The following FLG variants were observed in gnomAD, a reference collection of about 807,000 sequenced individuals.
FLG encodes the protein filaggrin.
FLG carries 6 observed loss-of-function variants against 3.8 expected under a neutral mutation model. The ratio of observed to expected loss-of-function variants is 1.60; its 90% CI spans 0.87 to 3.15. The LOEUF is 3.15. FLG is among the 30% of genes most tolerant of loss of function. The pLI, the probability that FLG is intolerant of heterozygous loss-of-function variation, is 0.00. For synonymous variants in FLG, 2,551 were observed against 1,931.6 expected (o/e 1.32, Z -8.41); for missense variants, 7,595 against 5,050.9 (o/e 1.50, Z -15.27).
Position 152,310,011 on chromosome 1 carries a change from C to T in FLG, c.4875G>A (p.Gln1625=). 6.2e-7 allele frequency: 1 copy of T among 1,614,044 alleles called. No homozygotes were observed. Among genetic ancestry groups the T allele is most frequent in the Non-Finnish European group, 8.5e-7 (1 of 1,180,028 alleles). Reference sequence around the variant, plus strand: ...TGGGGTTCCTGGAGCCATGTCTTGACTGCTCCCGAGCAGATCCATAATGGT... The same window carrying T: ...TGGGGTTCCTGGAGCCATGTCTTGATTGCTCCCGAGCAGATCCATAATGGT... ...SRNHYGSARE[Q]SRHGSRNPRS... The change falls in exon 3 of 3, where the codon CAG becomes CAA. Residue 1625 remains glutamine (Q), a synonymous_variant. Transcript: ENST00000368799.
At position 152,313,405 on chromosome 1, in the gene FLG, C is replaced by A; in HGVS notation, c.1481G>T (p.Gly494Val). ...GTCTCGTGCCTGCTCGTGGTGCGAT[C>A]CTTGTCTTCCTCCAGTGCTGGTCCC... is the stretch of plus-strand genomic sequence containing the variant. ...RTGTSTGGRQ[G>V]SHHEQARDSS... is the part of the protein sequence containing the mutation. The change falls in exon 3 of 3, where the codon GGA becomes GTA. Residue 494 changes from glycine (G) to valine (V), a missense_variant. Gly to Val is a moderately radical substitution (Grantham distance 109). Transcript: ENST00000368799. The A allele has an allele frequency of 1.2e-6, 2 of 1,613,790 alleles. No homozygotes were observed. Among genetic ancestry groups the A allele is most frequent in the Middle Eastern group, 3.3e-4 (2 of 6,058 alleles).
In FLG at chr1:152,307,472, C is replaced by T. The variant is rs140845519; in HGVS notation, c.7414G>A (p.Gly2472Arg). The stretch of plus-strand genomic sequence containing the variant: ...TGCTCGTAGTGGGATCCCTGCCTTC[C>T]TCCACTGCTTGACCCCGGGTGTCCA... ...IHGHPGSSSG[G>R]RQGSHYEQLV... The change falls in exon 3 of 3, where the codon GGA becomes AGA. Residue 2472 changes from glycine to arginine, a missense_variant. Gly to Arg is a moderately radical substitution (Grantham distance 125). Transcript: ENST00000368799. 27 of 1,613,238 alleles carry T rather than the reference C, an allele frequency of 1.7e-5. No homozygotes were observed. Among genetic ancestry groups the T allele is most frequent in the East Asian group, 2.2e-5 (1 of 44,760 alleles).
rs1400244783 is a variant in FLG, at chr1:152,309,085, C to G, written c.5801G>C (p.Trp1934Ser). The G allele has an allele frequency of 6.2e-7, 1 of 1,614,080 alleles. No homozygotes were observed. The highest frequency in any genetic ancestry group is 8.5e-7 in the Non-Finnish European group (1 of 1,179,982). Residue 1934 changes from tryptophan to serine, a missense_variant, in exon 3 of 3, where the codon TGG becomes TCG. Transcript: ENST00000368799. ...ATGGTTTCTGGAAGCAGACCCAGAC[C>G]ACCTCTCAGAGTCTTCTGAGTGTCC... ...SQGHSEDSER[W>S]SGSASRNHLG...
In FLG at chr1:152,308,950, G is replaced by T. The variant is rs770082420; in HGVS notation, c.5936C>A (p.Thr1979Asn). 5 of 1,614,058 alleles carry T rather than the reference G, an allele frequency of 3.1e-6. No individual in the cohort carries two copies. The highest frequency in any genetic ancestry group is 3.3e-4 in the Middle Eastern group (2 of 6,084). Reference sequence around the variant, plus strand: ...ACGAGAGGAAGACTCTGTGTGACGAGTGCCTGATTGTCTGGAGCTGTCTGC... The same window carrying T: ...ACGAGAGGAAGACTCTGTGTGACGATTGCCTGATTGTCTGGAGCTGTCTGC... ...HSADSSRQSG[T>N]RHTESSSRGQ... is the part of the protein sequence containing the mutation. Residue 1979 changes from threonine (T) to asparagine (N), a missense_variant, in exon 3 of 3, where the codon ACT (threonine) becomes AAT (asparagine). By Grantham distance (65) the Thr-to-Asn change is moderately conservative. Coordinates refer to ENST00000368799, the MANE Select transcript of FLG (RefSeq NM_002016.2).
Position 152,308,665 on chromosome 1 carries a change from T to C in FLG, c.6221A>G (p.Glu2074Gly). 6.2e-7 allele frequency: 1 copy of C among 1,614,142 alleles called. No individual in the cohort carries two copies. Among genetic ancestry groups the C allele is most frequent in the Non-Finnish European group, 8.5e-7 (1 of 1,180,022 alleles). The stretch of plus-strand genomic sequence containing the variant: ...TTCCCCTGACTGGCCACGTGCGGAC[T>C]CTTTGTGGCTCTGCTGATGGGGCCC... The part of the protein sequence containing the change: ...KAGPHQQSHK[E>G]SARGQSGESS... The change falls in exon 3 of 3, where the codon GAG becomes GGG. Residue 2074 changes from glutamate (E) to glycine (G), a missense_variant. Coordinates refer to ENST00000368799, the MANE Select transcript of FLG (RefSeq NM_002016.2).
At position 152,314,163 on chromosome 1, in the gene FLG, A is replaced by C; in HGVS notation, c.723T>G (p.Asp241Glu). The change falls in exon 3 of 3, where the codon GAT (aspartate) becomes GAG (glutamate). Residue 241 changes from aspartate (D) to glutamate (E), a missense_variant. Transcript: ENST00000368799. Reference sequence around the variant, plus strand: ...GACTATCAGTGGTGTCATAGGCTTCATCCTGGATTGTGTAATATGTGGCAA... The same window carrying C: ...GACTATCAGTGGTGTCATAGGCTTCCTCCTGGATTGTGTAATATGTGGCAA... The part of the protein sequence containing the change: ...GHIATYYTIQ[D>E]EAYDTTDSLL... The C allele has an allele frequency of 6.2e-7, 1 of 1,614,174 alleles. No homozygotes were observed. Among genetic ancestry groups the C allele is most frequent in the Non-Finnish European group, 8.5e-7 (1 of 1,180,032 alleles).
In FLG at chr1:152,310,666, G is replaced by C; in HGVS notation, c.4220C>G (p.Thr1407Arg). The C allele has an allele frequency of 6.2e-7, 1 of 1,613,940 alleles. No individual in the cohort carries two copies. Among genetic ancestry groups the C allele is most frequent in the Non-Finnish European group, 8.5e-7 (1 of 1,179,964 alleles). ...TTGTCCGTGGGCTGACACTGACTGT[G>C]TGTCTGAGTCTTCTGAATGTCCCTC... ...NSEGHSEDSD[T>R]QSVSAHGQAG... Residue 1407 changes from threonine to arginine, a missense_variant, in exon 3 of 3, where the codon ACA (threonine) becomes AGA (arginine). Physicochemically the swap from Thr to Arg is moderately conservative, Grantham distance 71. Transcript: ENST00000368799.
rs774230923 is a variant in FLG, at chr1:152,308,703, T to G, written c.6183A>C (p.Ala2061=). 12 of 1,613,988 alleles carry G rather than the reference T, an allele frequency of 7.4e-6. No individual in the cohort carries two copies. In the African/African-American group the frequency reaches 1.2e-4, roughly 16 times the overall value. Residue 2061 remains alanine (A), a synonymous_variant, in exon 3 of 3, where the codon GCA becomes GCC. Transcript: ENST00000368799. ...SEDSDTQSVS[A]QGKAGPHQQS... ...GCTGATGGGGCCCAGCTTTTCCCTG[T>G]GCTGACACTGACTGTGTGTCTGAGT...
rs1289191099 is a variant in FLG at position 152,302,857 on chromosome 1, T to C, written c.12029A>G (p.Glu4010Gly). Reference protein sequence around the residue: ...SYNSNPVVFKERSDICKASAF... With the variant: ...SYNSNPVVFKGRSDICKASAF... ...ACTTGCTTTACAGATATCAGATCTT[T>C]CCTTGAAAACAACAGGATTGGAATT... Residue 4010 changes from glutamate (E) to glycine (G), a missense_variant, in exon 3 of 3, where the codon GAA becomes GGA. Glu to Gly is a moderately conservative substitution (Grantham distance 98). Transcript: ENST00000368799. 6.2e-7 allele frequency: 1 copy of C among 1,614,228 alleles called. No homozygotes were observed. Among genetic ancestry groups the C allele is most frequent in the Non-Finnish European group, 8.5e-7 (1 of 1,180,030 alleles).
intron 1 of FLG, among the ~76,000 whole-genome samples, chr1:152,319,308 ATGTGTGTGTGTGTGTG>A (rs138449164): frequency 1.4e-5 from 2 of 145,176 alleles, no homozygotes; most frequent in South Asian, 2.2e-4. Flanking sequence ...CAACTAGAAA[ATGTGTGTGTGTGTGTG>A]TGTGTGTGTG....
Position 152,307,173 on chromosome 1 carries a change from A to C in FLG, c.7713T>G (p.Ser2571Arg). 6.2e-7 allele frequency: 1 copy of C among 1,612,424 alleles called. No homozygotes were observed. The change falls in exon 3 of 3, where the codon AGT (serine) becomes AGG (arginine). Residue 2571 changes from serine (S) to arginine (R), a missense_variant. Ser to Arg is a moderately radical substitution (Grantham distance 110, BLOSUM62 -1). Coordinates refer to ENST00000368799, the MANE Select transcript of FLG (RefSeq NM_002016.2). ...RNWGSSFSQD[S>R]DSQGHSEDSE... is the part of the protein sequence containing the mutation. ...AGTCTTCTGAGTGTCCCTGACTGTCACTGTCCTGGCTAAAACTGGATCCCC... is the reference window on the plus strand; with the variant it reads ...AGTCTTCTGAGTGTCCCTGACTGTCCCTGTCCTGGCTAAAACTGGATCCCC...
rs543143803 is a variant in FLG, at chr1:152,315,433, G to T, written c.24C>A (p.Ile8=). Residue 8 remains isoleucine (I), a synonymous_variant, in exon 2 of 3, where the codon ATC becomes ATA. Transcript: ENST00000368799. MSTLLEN[I]FAIINLFKQY... Reference sequence around the variant, plus strand: ...GCTTGAAAAGATTAATTATGGCAAAGATGTTTTCCAGGAGAGTAGACATCT... The same window carrying T: ...GCTTGAAAAGATTAATTATGGCAAATATGTTTTCCAGGAGAGTAGACATCT... 1 of 1,611,984 alleles carries T rather than the reference G, an allele frequency of 6.2e-7. No individual in the cohort carries two copies. The highest frequency in any genetic ancestry group is 1.1e-5 in the South Asian group (1 of 90,692).
chr1:152,303,252 C>A lies in FLG; in HGVS notation c.11634G>T (p.Arg3878Ser), dbSNP rs751786975. The change falls in exon 3 of 3, where the codon AGG becomes AGT. Residue 3878 changes from arginine to serine, a missense_variant. Arg to Ser is a moderately radical substitution (Grantham distance 110). Coordinates refer to ENST00000368799, the MANE Select transcript of FLG (RefSeq NM_002016.2). ...GGTTTCTGGAAGCAGACTCAGATCG[C>A]CTCTCAGAGTCCTCTGGGTATGCCT... Reference protein sequence around the residue: ...DSEAYPEDSERRSESASRNHH... With the variant: ...DSEAYPEDSESRSESASRNHH... 2.2e-5 allele frequency: 35 copies of A among 1,614,062 alleles called. No individual in the cohort carries two copies. The South Asian group carries it at 3.4e-4, about 16-fold the overall frequency.
In FLG at chr1:152,312,273, G is replaced by A. The variant is rs781455048; in HGVS notation, c.2613C>T (p.His871=). 5.6e-6 allele frequency: 9 copies of A among 1,613,906 alleles called. No homozygotes were observed. The African/African-American group carries it at 6.7e-5, about 12-fold the overall frequency. ...VDRSGHSGSH[H]SHTTSQGRSD... ...ACCTTCCCTGGGATGTGGTGTGGCT[G>A]TGATGGGACCCTGAGTGTCCAGACC... The change falls in exon 3 of 3, where the codon CAC becomes CAT. Residue 871 remains histidine (H), a synonymous_variant. Coordinates refer to ENST00000368799, the MANE Select transcript of FLG (RefSeq NM_002016.2).
Position 152,312,346 on chromosome 1 carries a change from G to A in FLG, c.2540C>T (p.Ser847Leu), listed in dbSNP as rs1183077414. ...GGACCCCTGCCTTCCTCTTCTGCTT[G>A]ACCCCGGGTGTCCACGAATGGTGTC... ...GQDTIRGHPGSSRRGRQGSHH... is the reference protein window; with the variant it reads ...GQDTIRGHPGLSRRGRQGSHH... The change falls in exon 3 of 3, where the codon TCA becomes TTA. Residue 847 changes from serine to leucine, a missense_variant. Ser to Leu is a moderately radical substitution (Grantham distance 145). Transcript: ENST00000368799. 6.2e-7 allele frequency: 1 copy of A among 1,611,754 alleles called. No homozygotes were observed. Among genetic ancestry groups the A allele is most frequent in the African/African-American group, 1.3e-5 (1 of 74,320 alleles).
rs1570912244 is a variant in FLG at position 152,312,654 on chromosome 1, A to G, written c.2232T>C (p.Gly744=). ...GTCCCTCACTGTCAGTGGCCTGACT[A>G]CCACTGGACCCTCGGTGTCCACTGT... ...VRDSGHRGSS[G]SQATDSEGHS... Residue 744 remains glycine (G), a synonymous_variant, in exon 3 of 3, where the codon GGT becomes GGC. Transcript: ENST00000368799. The G allele has an allele frequency of 1.9e-6, 3 of 1,613,674 alleles. No homozygotes were observed. Among genetic ancestry groups the G allele is most frequent in the South Asian group, 1.1e-5 (1 of 91,034 alleles).
chr1:152,309,945 T>G lies in FLG; in HGVS notation c.4941A>C (p.Ala1647=). The change falls in exon 3 of 3, where the codon GCA becomes GCC. Residue 1647 remains alanine (A), a synonymous_variant. Transcript: ENST00000368799. ...GAGTGCCTGATTGTCTGGAGCTCTC[T>G]GCAGAGTGCCCATGACTGGCTCTAT... ...QEDRASHGHS[A]ESSRQSGTRH... 1 of 1,614,140 alleles carries G rather than the reference T, an allele frequency of 6.2e-7. No homozygotes were observed.
rs1366722029 is a variant in FLG at position 152,312,910 on chromosome 1, T to A, written c.1976A>T (p.His659Leu). Residue 659 changes from histidine to leucine, a missense_variant, in exon 3 of 3, where the codon CAC becomes CTC. Transcript: ENST00000368799. ...AQEQSRDGSR[H>L]PRSHHEDRAG... Reference sequence around the variant, plus strand: ...TCTGTCTTCGTGATGGGACCTGGGGTGTCTGGAGCCATCTCTTGACTGCTC... The same window carrying A: ...TCTGTCTTCGTGATGGGACCTGGGGAGTCTGGAGCCATCTCTTGACTGCTC... 1 of 1,613,882 alleles carries A rather than the reference T, an allele frequency of 6.2e-7. No individual in the cohort carries two copies. The highest frequency in any genetic ancestry group is 8.5e-7 in the Non-Finnish European group (1 of 1,180,022).
At position 152,302,170 on chromosome 1, in the gene FLG, T is replaced by C. The variant is rs1310915051; in HGVS notation, c.*530A>G. On this transcript the variant is annotated 3_prime_UTR_variant, in exon 3 of 3. Coordinates refer to ENST00000368799, the MANE Select transcript of FLG (RefSeq NM_002016.2). ...AATACAAGAGACAAACAGTATTATA[T>C]GATGAATAGTTTATTTTTAATTTAG... 6.1e-6 allele frequency: 1 copy of C among 164,100 alleles called. No homozygotes were observed. Among genetic ancestry groups the C allele is most frequent in the Non-Finnish European group, 1.3e-5 (1 of 74,848 alleles). 10.2% of individuals were successfully genotyped at this position (164,100 alleles called of 1,614,324 possible).
Sources: allele counts gnomAD v4.1 joint callset (sites outside exome capture counted in the v4.1 genomes callset), GRCh38; gene constraint gnomAD v4.1.1; transcripts MANE v1.5; gene names NCBI Gene and HGNC (gene_info 2026-07-23, HGNC 2026-07-21).